The following PDGFRL variants were observed in gnomAD, a reference collection of about 807,000 sequenced individuals.
PDGFRL encodes the protein platelet derived growth factor receptor like, also known as platelet-derived growth factor receptor-like protein.
A neutral mutation model predicts 37.2 loss-of-function variants in PDGFRL; 46 were observed. That is an observed-to-expected ratio of 1.24 (90% confidence interval 0.98 to 1.58). PDGFRL has a LOEUF of 1.58. PDGFRL is among the 40% of genes most tolerant of loss of function. PDGFRL has a pLI of 0.00. For missense variants in PDGFRL, 692 were observed against 467.6 expected, an observed-to-expected ratio of 1.48 and a Z score of -4.43; for synonymous variants, 251 against 184.3, an observed-to-expected ratio of 1.36 and a Z score of -2.93.
chr8:17,594,754 C>A (rs1383855580), intron 2 of PDGFRL, among the ~76,000 whole-genome samples: 1 of 151,934 alleles, frequency 6.6e-6, no homozygotes, highest in Non-Finnish European at 1.5e-5. Flanking sequence ...AGGGTTTCAC[C>A]GTGGTCTCGA....
intron 2 of PDGFRL, among the ~76,000 whole-genome samples, chr8:17,620,195 C>T (rs1399302900): frequency 6.6e-6 from 1 of 152,156 alleles, no homozygotes; most frequent in South Asian, 2.1e-4. Context: ...CTCCTGGCCT[C>T]AAGTTATCTT....
chr8:17,593,158 C>T (rs938320183), intron 2 of PDGFRL, among the ~76,000 whole-genome samples: 2 of 152,018 alleles, frequency 1.3e-5, no homozygotes, highest in Non-Finnish European at 2.9e-5. Context: ...AAAGTGAATC[C>T]GTTCTTCCTG....
At chr8:17,638,191 C>G (rs1044405193) in intron 5 of PDGFRL, among the ~76,000 whole-genome samples, 1 of 152,106 alleles carries the variant, frequency 6.6e-6, no homozygotes, top group Non-Finnish European at 1.5e-5. Context: ...ATGCTATGAA[C>G]TTTCCTCTTA....
At chr8:17,594,383 G>A (rs1372390605) in intron 2 of PDGFRL, among the ~76,000 whole-genome samples, 2 of 151,328 alleles carry the variant, frequency 1.3e-5, no homozygotes, top group Non-Finnish European at 2.9e-5. Context: ...TGGAATTACA[G>A]GCACACACCA....
chr8:17,606,142 A>T (rs1413473448), intron 2 of PDGFRL, among the ~76,000 whole-genome samples: 1 of 152,126 alleles, frequency 6.6e-6, no homozygotes, highest in Non-Finnish European at 1.5e-5. Flanking sequence ...ACTTTGGTAA[A>T]TGTTGTGGAG....
At chr8:17,631,439 C>T (rs939332542) in intron 4 of PDGFRL, among the ~76,000 whole-genome samples, 21 of 152,104 alleles carry the variant, frequency 1.4e-4, no homozygotes, top group African/African-American at 5.1e-4. Flanking sequence ...TGTCATGCCT[C>T]GTGTTCTCAG....
chr8:17,587,992 A>G (rs909455549), intron 1 of PDGFRL, among the ~76,000 whole-genome samples: 3 of 152,006 alleles, frequency 2.0e-5, no homozygotes, highest in Non-Finnish European at 4.4e-5. Context: ...GGCTTAGCTG[A>G]GATTTTTAGA....
intron 2 of PDGFRL, among the ~76,000 whole-genome samples, chr8:17,605,972 G>C (rs1303218012): frequency 6.6e-6 from 1 of 152,186 alleles, no homozygotes; most frequent in Non-Finnish European, 1.5e-5. Context: ...CAACACAAAG[G>C]GAGGGTGGGC....
At chr8:17,585,887 T>G (rs1803804429) in intron 1 of PDGFRL, among the ~76,000 whole-genome samples, 1 of 152,206 alleles carries the variant, frequency 6.6e-6, no homozygotes, top group Non-Finnish European at 1.5e-5. Context: ...TCCTTTTTCC[T>G]GCTTCCTTCT....
rs1805185902 is a variant in PDGFRL at position 17,643,053 on chromosome 8, A to G, written c.*252A>G. ...ACATACGTGTTCCTAGTTTTTATAC[A>G]TGTGTAAACAATTTTATATAATCAA... On this transcript the variant is annotated 3_prime_UTR_variant, in exon 6 of 6. Coordinates refer to ENST00000251630, the MANE Select transcript of PDGFRL (RefSeq NM_001372073.1). 2.6e-6 allele frequency: 1 copy of G among 385,126 alleles called. No homozygotes were observed. The highest frequency in any genetic ancestry group is 4.3e-5 in the Admixed American group (1 of 23,116). The allele number at this position is 385,126 out of a possible 1,614,324, so 23.9% of individuals were successfully genotyped here. A position where few individuals can be genotyped will look rare whatever the true frequency, so the allele number is the denominator to read the frequency against.
At chr8:17,640,978 C>G (rs1805080079) in intron 5 of PDGFRL, among the ~76,000 whole-genome samples, 1 of 151,974 alleles carries the variant, frequency 6.6e-6, no homozygotes. Flanking sequence ...CGGTGTGGTT[C>G]TCAGGCCAAT....
chr8:17,613,400 C>G (rs369025608), intron 2 of PDGFRL, among the ~76,000 whole-genome samples: 19 of 152,226 alleles, frequency 1.2e-4, no homozygotes, highest in African/African-American at 4.3e-4. Context: ...AATGATGACC[C>G]CAGCAGGTGA....
At chr8:17,604,426 T>G (rs59037897) in intron 2 of PDGFRL, among the ~76,000 whole-genome samples, 1 of 152,194 alleles carries the variant, frequency 6.6e-6, no homozygotes, top group Non-Finnish European at 1.5e-5. Flanking sequence ...TGAGTTCATG[T>G]CCTTTGTAGG....
chr8:17,580,514 G>C (rs1158520996), intron 1 of PDGFRL, among the ~76,000 whole-genome samples: 1 of 152,178 alleles, frequency 6.6e-6, no homozygotes, highest in Admixed American at 6.5e-5. Flanking sequence ...GCAAGAGAGA[G>C]AGATCTGGTG....
At chr8:17,602,617 C>T (rs901702033) in intron 2 of PDGFRL, among the ~76,000 whole-genome samples, 3 of 152,016 alleles carry the variant, frequency 2.0e-5, no homozygotes, top group African/African-American at 4.8e-5. Context: ...GTTGAAATTC[C>T]ACATTGATTT....
intron 2 of PDGFRL, 40 bp from the exon 3 acceptor site, chr8:17,621,010 AG>A (rs1417338191): frequency 6.6e-7 from 1 of 1,526,468 alleles, no homozygotes; most frequent in East Asian, 2.3e-5. Flanking sequence ...GGCCCCAGCC[AG>A]GTCTGACTTG....
At position 17,621,405 on chromosome 8, in the gene PDGFRL, G is replaced by GTTTT. The variant is rs111351818; in HGVS notation, c.505+213_505+216dup. Among the ~76,000 whole-genome samples, 891 of 141,410 alleles carry GTTTT rather than the reference G, an allele frequency of 6.3e-3. 5 individuals are homozygous for GTTTT. The highest frequency in any genetic ancestry group is 0.011 in the Middle Eastern group (3 of 274). The allele number at this position is 141,410 out of a possible 152,430, so 92.8% of individuals were successfully genotyped here. A position where few individuals can be genotyped will look rare whatever the true frequency, so the allele number is the denominator to read the frequency against. On this transcript the variant is annotated intron_variant, in intron 3 of 5. Transcript: ENST00000251630. ...CAGGGCAAATACTAATATTATTCCT[G>GTTTT]TTTTTTTTTTTTTCAGATGGGAAAG...
chr8:17,608,464 T>C (rs1213340798), intron 2 of PDGFRL, among the ~76,000 whole-genome samples: 1 of 152,120 alleles, frequency 6.6e-6, no homozygotes, highest in East Asian at 1.9e-4. Flanking sequence ...GCTCGTGCAT[T>C]GGCACAATAT....
chr8:17,586,225 A>G (rs982209408), intron 1 of PDGFRL, among the ~76,000 whole-genome samples: 3 of 152,108 alleles, frequency 2.0e-5, no homozygotes, highest in Non-Finnish European at 1.5e-5. Context: ...GAGTGCTGGG[A>G]TTATAGGCAT....
Sources: gnomAD v4.1 joint callset for allele counts (sites outside exome capture counted in the v4.1 genomes callset) on GRCh38, gnomAD v4.1.1 for gene constraint, MANE v1.5 for transcripts, NCBI Gene and HGNC (gene_info 2026-07-23, HGNC 2026-07-21) for gene names.